AACS: variants seen among roughly 807,000 people sequenced by gnomAD.
AACS encodes the protein acetoacetate-CoA ligase.
In AACS, 69 loss-of-function variants were observed where a neutral mutation model predicts 83.1. The ratio of observed to expected loss-of-function variants is 0.83; its 90% confidence interval spans 0.68 to 1.01. The LOEUF (loss-of-function observed/expected upper bound fraction) is 1.01. AACS is among the 50% of genes least tolerant of loss of function. The pLI, the probability that AACS is intolerant of heterozygous loss-of-function variation, is 0.00. For synonymous variants in AACS, 333 were observed against 343.4 expected, an observed-to-expected ratio of 0.97 and a Z score of 0.33; for missense variants, 866 against 882.2, an observed-to-expected ratio of 0.98 and a Z score of 0.23.
intron 17 of AACS, among the ~76,000 whole-genome samples, chr12:125,137,461 C>A (rs950890292): frequency 1.3e-5 from 2 of 152,252 alleles, no homozygotes; most frequent in African/African-American, 4.8e-5. Context: ...GGATTACAGG[C>A]GTAAGCCACT....
intron 9 of AACS, among the ~76,000 whole-genome samples, chr12:125,116,809 TGTCCTGC>T (rs1957060929): frequency 6.6e-6 from 1 of 152,110 alleles, no homozygotes; most frequent in Non-Finnish European, 1.5e-5. Flanking sequence ...AGTTGTTTCA[TGTCCTGC>T]AGCCCTGGGC....
At chr12:125,108,505 A>G (rs1956881089) in intron 8 of AACS, among the ~76,000 whole-genome samples, 1 of 152,160 alleles carries the variant, frequency 6.6e-6, no homozygotes, top group Non-Finnish European at 1.5e-5. Flanking sequence ...TTGGGCTTCA[A>G]CATACGAATT....
rs1957406632 is a variant in AACS at position 125,136,790 on chromosome 12, A to G, written c.1807A>G (p.Ile603Val). ...HAFQPDLVKR[I>V]RDAIRMGLSA... is the part of the protein sequence containing the mutation. ...CTTCCAGCCTGACTTGGTTAAGAGGATCCGTGACGCCATCCGCATGGGCTT... is the reference window on the plus strand; with the variant it reads ...CTTCCAGCCTGACTTGGTTAAGAGGGTCCGTGACGCCATCCGCATGGGCTT... The change falls in exon 17 of 18, where the codon ATC becomes GTC. Residue 603 changes from isoleucine to valine, a missense_variant. By Grantham distance (29) the Ile-to-Val change is conservative. Coordinates refer to ENST00000316519, the MANE Select transcript of AACS (RefSeq NM_023928.5). The G allele has an allele frequency of 1.9e-6, 3 of 1,614,012 alleles. No homozygotes were observed. The highest frequency in any genetic ancestry group is 2.5e-6 in the Non-Finnish European group (3 of 1,180,012).
intron 8 of AACS, among the ~76,000 whole-genome samples, chr12:125,108,061 C>T (rs544939670): frequency 5.9e-5 from 9 of 152,234 alleles, no homozygotes; most frequent in South Asian, 4.2e-4. Flanking sequence ...AATGTGTGCA[C>T]GTGCTGGGGG....
intron 3 of AACS, among the ~76,000 whole-genome samples, chr12:125,079,213 C>A (rs113464618): frequency 6.6e-6 from 1 of 152,056 alleles, no homozygotes; most frequent in Non-Finnish European, 1.5e-5. Flanking sequence ...TGGGGGGCCT[C>A]GGTGGTGAGT....
intron 3 of AACS, among the ~76,000 whole-genome samples, chr12:125,085,169 GT>G (rs1956302121): frequency 6.6e-6 from 1 of 152,232 alleles, no homozygotes; most frequent in Non-Finnish European, 1.5e-5. Flanking sequence ...AATTGTGGTG[GT>G]TGCAGGAAAT....
chr12:125,065,669 A>C lies in AACS; in HGVS notation c.85A>C (p.Met29Leu). The change falls in exon 1 of 18, where the codon ATG (methionine) becomes CTG (leucine). Residue 29 changes from methionine to leucine, a missense_variant. By Grantham distance (15) the Met-to-Leu change is conservative (BLOSUM62 2). Transcript: ENST00000316519. Reference protein sequence around the residue: ...WEPDSKKNTQMDRFRAAVGAA... With the variant: ...WEPDSKKNTQLDRFRAAVGAA... ...GCCTGACAGTAAGAAGAACACGCAG[A>C]TGGACCGCTTCCGGGCGGCTGTGGG... is the stretch of plus-strand genomic sequence containing the variant. 2.6e-6 allele frequency: 4 copies of C among 1,546,752 alleles called. No homozygotes were observed. The highest frequency in any genetic ancestry group is 3.5e-6 in the Non-Finnish European group (4 of 1,145,134).
At chr12:125,078,528 TG>T (rs1481232663) in intron 3 of AACS, among the ~76,000 whole-genome samples, 2 of 152,174 alleles carry the variant, frequency 1.3e-5, no homozygotes, top group Non-Finnish European at 2.9e-5. Context: ...CTGTATTAAA[TG>T]CCTCATTAGG....
At chr12:125,069,138 G>A (rs1955789222) in intron 1 of AACS, among the ~76,000 whole-genome samples, 1 of 152,142 alleles carries the variant, frequency 6.6e-6, no homozygotes, top group South Asian at 2.1e-4. Context: ...ACCGCGCCCG[G>A]CTGTGAGCAT....
At chr12:125,081,894 A>ATTT (rs1956197233) in intron 3 of AACS, among the ~76,000 whole-genome samples, 1 of 145,898 alleles carries the variant, frequency 6.9e-6, no homozygotes, top group African/African-American at 2.5e-5. Context: ...TTTTTTTTTG[A>ATTT]GGTGGAGTTT....
At position 125,114,504 on chromosome 12, in the gene AACS, C is replaced by T; in HGVS notation, c.943C>T (p.His315Tyr). The T allele has an allele frequency of 1.2e-6, 2 of 1,613,368 alleles. No individual in the cohort carries two copies. Among genetic ancestry groups the T allele is most frequent in the Non-Finnish European group, 1.7e-6 (2 of 1,179,732 alleles). ...GGTLIQHLKE[H>Y]LLHGNMTSSD... ...CACCCTCATCCAGCATCTGAAGGAG[C>T]ACCTGCTGCACGGCAACATGACCAG... The change falls in exon 9 of 18, where the codon CAC (histidine) becomes TAC (tyrosine). Residue 315 changes from histidine to tyrosine, a missense_variant. Transcript: ENST00000316519.
chr12:125,114,290 C>T, intron 8 of AACS, 187 bp from the exon 9 acceptor site: 1 of 490,628 alleles, frequency 2.0e-6, no homozygotes. Flanking sequence ...GGGAGAGGGA[C>T]ATGGGGGCAT....
chr12:125,097,451 G>A lies in AACS; in HGVS notation c.571-5228G>A, dbSNP rs1435093900. On this transcript the variant is annotated intron_variant, in intron 5 of 17. Coordinates refer to ENST00000316519, the MANE Select transcript of AACS (RefSeq NM_023928.5). This position sits in a 1 kb window ranked among gnomAD's most constrained non-coding sequence, Gnocchi z 4.3. ...TTTTACTTAAAAAAAAAAAAAAAAAGTGCGTTGGGGCAGCTCCAAGGGCGT... is the reference window on the plus strand; with the variant it reads ...TTTTACTTAAAAAAAAAAAAAAAAAATGCGTTGGGGCAGCTCCAAGGGCGT... Among the ~76,000 whole-genome samples, 1 of 135,880 alleles carries A rather than the reference G, an allele frequency of 7.4e-6. No homozygotes were observed. Among genetic ancestry groups the A allele is most frequent in the African/African-American group, 2.6e-5 (1 of 39,158 alleles). 89.1% of individuals were successfully genotyped at this position (135,880 alleles called of 152,430 possible). A position where few individuals can be genotyped will look rare whatever the true frequency, so the allele number is the denominator to read the frequency against.
In AACS at chr12:125,097,328, C is replaced by T. The variant is rs751946804; in HGVS notation, c.571-5351C>T. On this transcript the variant is annotated intron_variant, in intron 5 of 17. Transcript: ENST00000316519. This position sits in a 1 kb window ranked among gnomAD's most constrained non-coding sequence, Gnocchi z 4.3. Reference sequence around the variant, plus strand: ...TGAAATGGAGGAGGGAGGAGGTGGACGGTGACCGAAGGCCTGATGTCCTGA... The same window carrying T: ...TGAAATGGAGGAGGGAGGAGGTGGATGGTGACCGAAGGCCTGATGTCCTGA... Among the ~76,000 whole-genome samples the T allele has an allele frequency of 9.2e-5, 14 of 151,720 alleles. No individual in the cohort carries two copies. The highest frequency in any genetic ancestry group is 1.0e-4 in the Non-Finnish European group (7 of 67,976).
chr12:125,102,830 GGT>G, intron 6 of AACS, 37 bp downstream of exon 6: 13 of 1,592,534 alleles, frequency 8.2e-6, no homozygotes, highest in Non-Finnish European at 1.0e-5. Context: ...GGCATGGCTG[GGT>G]GTGTGTGTGG....
At chr12:125,117,084 G>A (rs1957067170) in intron 9 of AACS, among the ~76,000 whole-genome samples, 1 of 152,020 alleles carries the variant, frequency 6.6e-6, no homozygotes, top group African/African-American at 2.4e-5. Flanking sequence ...TGAGACCACA[G>A]GTGCACTCCA....
In AACS at chr12:125,065,651, A is replaced by C; in HGVS notation, c.67A>C (p.Ser23Arg). 1 of 1,546,672 alleles carries C rather than the reference A, an allele frequency of 6.5e-7. No homozygotes were observed. Among genetic ancestry groups the C allele is most frequent in the Non-Finnish European group, 8.7e-7 (1 of 1,144,946 alleles). The change falls in exon 1 of 18, where the codon AGT becomes CGT. Residue 23 changes from serine (S) to arginine (R), a missense_variant. Transcript: ENST00000316519. Reference protein sequence around the residue: ...LECQVMWEPDSKKNTQMDRFR... With the variant: ...LECQVMWEPDRKKNTQMDRFR... The stretch of plus-strand genomic sequence containing the variant: ...GTGCCAGGTGATGTGGGAGCCTGAC[A>C]GTAAGAAGAACACGCAGATGGACCG...
chr12:125,137,571 T>C (rs900535006), intron 17 of AACS, among the ~76,000 whole-genome samples: 1 of 152,222 alleles, frequency 6.6e-6, no homozygotes, highest in Non-Finnish European at 1.5e-5. Context: ...TGACTCTTTT[T>C]AGAGGCAGGT....
At chr12:125,135,815 A>T (rs1190738473) in intron 16 of AACS, 1 of 152,382 alleles carries the variant, frequency 6.6e-6, no homozygotes, top group Non-Finnish European at 1.5e-5. Context: ...GTGTGATCTC[A>T]GCTCACTGCA....
Sources: gnomAD v4.1 joint callset for allele counts (sites outside exome capture counted in the v4.1 genomes callset) on GRCh38, gnomAD v4.1.1 for gene constraint, Gnocchi (gnomAD v3.1) non-coding constraint, MANE v1.5 for transcripts, NCBI Gene and HGNC (gene_info 2026-07-23, HGNC 2026-07-21) for gene names.